FNDC3B: variants seen among roughly 807,000 people sequenced by gnomAD.
The protein encoded by FNDC3B is fibronectin type III domain containing 3B.
A neutral mutation model predicts 151.5 loss-of-function variants in FNDC3B; 12 were observed. The observed-to-expected ratio is 0.08, with a 90% confidence interval of 0.05 to 0.13. The LOEUF is 0.13. Among genes scored for constraint, FNDC3B ranks in the 10% least tolerant of loss-of-function variants. The pLI is 1.00. For missense variants in FNDC3B, 1,214 were observed against 1,505.3 expected (o/e 0.81, Z 3.20); for synonymous variants, 528 against 549.0 (o/e 0.96, Z 0.54).
At chr3:172,369,666 T>C (rs1734789025) in intron 23 of FNDC3B, among the ~76,000 whole-genome samples, 1 of 152,100 alleles carries the variant, frequency 6.6e-6, no homozygotes, top group East Asian at 1.9e-4. Context: ...ACCTCTTTTC[T>C]CAATAGCTGT....
chr3:172,315,364 G>A (rs548447355), intron 11 of FNDC3B, among the ~76,000 whole-genome samples: 54 of 152,178 alleles, frequency 3.5e-4, no homozygotes, highest in Non-Finnish European at 5.0e-4. Context: ...GCGACAGAGC[G>A]AGACTTGTCT....
At chr3:172,338,249 G>A (rs1194785837) in intron 16 of FNDC3B, 1 of 148,336 alleles carries the variant, frequency 6.7e-6, no homozygotes, top group Non-Finnish European at 1.5e-5. Context: ...AGCAGGCGGA[G>A]GTTGCAGTGA....
intron 1 of FNDC3B, among the ~76,000 whole-genome samples, chr3:172,097,880 T>C (rs191113712): frequency 8.5e-5 from 13 of 152,314 alleles, no homozygotes; most frequent in African/African-American, 3.1e-4. Context: ...AGTAAATCCT[T>C]GAGATGTATG....
chr3:172,116,857 C>T (rs866249561), intron 2 of FNDC3B, among the ~76,000 whole-genome samples: 16 of 152,336 alleles, frequency 1.1e-4, no homozygotes, highest in Admixed American at 2.6e-4. Context: ...TGAGCCACCA[C>T]GCCCGGTTCA....
intron 24 of FNDC3B, 69 bp from the exon 25 acceptor site, chr3:172,380,897 G>T: frequency 6.4e-7 from 1 of 1,558,072 alleles, no homozygotes; most frequent in East Asian, 2.3e-5. Flanking sequence ...CTCACTAATA[G>T]TGCTAAAGTG....
At chr3:172,187,089 G>C (rs1041209817) in intron 3 of FNDC3B, 1 of 229,298 alleles carries the variant, frequency 4.4e-6, no homozygotes, top group Non-Finnish European at 8.4e-6. Context: ...CCTTGCCCTT[G>C]AGAAGTCCTT....
chr3:172,280,055 C>T (rs1199421064), intron 6 of FNDC3B, among the ~76,000 whole-genome samples: 7 of 152,262 alleles, frequency 4.6e-5, no homozygotes, highest in Non-Finnish European at 2.9e-5. Flanking sequence ...GTCGGGACTA[C>T]AGGCATGTGC....
intron 1 of FNDC3B, among the ~76,000 whole-genome samples, chr3:172,086,133 G>A (rs114321165): frequency 3.4e-3 from 517 of 152,286 alleles, no homozygotes; most frequent in Non-Finnish European, 5.9e-3. Flanking sequence ...GACTGAGGTA[G>A]GAGGATCACT....
At position 172,329,054 on chromosome 3, in the gene FNDC3B, G is replaced by A. The variant is rs1732501035; in HGVS notation, c.1357G>A (p.Ala453Thr). ...PAMGYTFRLA[A>T]RNDIGTSGYS... Reference sequence around the variant, plus strand: ...AATGGGGTACACATTCAGGCTGGCCGCTCGAAACGACATTGGTACCAGGTA... The same window carrying A: ...AATGGGGTACACATTCAGGCTGGCCACTCGAAACGACATTGGTACCAGGTA... The change falls in exon 12 of 26, where the codon GCT becomes ACT. Residue 453 changes from alanine (A) to threonine (T), a missense_variant. Coordinates refer to ENST00000415807, the MANE Select transcript of FNDC3B (RefSeq NM_022763.4). 4 of 1,612,834 alleles carry A rather than the reference G, an allele frequency of 2.5e-6. No individual in the cohort carries two copies. Among genetic ancestry groups the A allele is most frequent in the Non-Finnish European group, 3.4e-6 (4 of 1,179,282 alleles).
intron 22 of FNDC3B, among the ~76,000 whole-genome samples, chr3:172,358,090 G>C (rs754770878): frequency 1.3e-5 from 2 of 152,188 alleles, no homozygotes; most frequent in African/African-American, 4.8e-5. Flanking sequence ...CAGACACACA[G>C]GCCTTTGCAC....
intron 22 of FNDC3B, among the ~76,000 whole-genome samples, chr3:172,355,006 G>A (rs558172413): frequency 3.3e-5 from 5 of 151,596 alleles, no homozygotes; most frequent in South Asian, 4.2e-4. Context: ...TCAATGGATC[G>A]GTCATTTCTC....
chr3:172,324,931 G>A (rs926605870), intron 11 of FNDC3B, among the ~76,000 whole-genome samples: 1 of 152,344 alleles, frequency 6.6e-6, no homozygotes, highest in South Asian at 2.1e-4. Flanking sequence ...ACCCACCAAC[G>A]CGCAGAGAAG....
chr3:172,379,887 C>G (rs1406632430), intron 24 of FNDC3B, among the ~76,000 whole-genome samples: 1 of 152,156 alleles, frequency 6.6e-6, no homozygotes, highest in African/African-American at 2.4e-5. Context: ...CCCAGCCTTT[C>G]TACTTCAGAA....
chr3:172,353,007 C>G lies in FNDC3B; in HGVS notation c.2719C>G (p.Leu907Val), dbSNP rs1394957594. Reference protein sequence around the residue: ...GSEILAYTIDLGDTSITVGNT... With the variant: ...GSEILAYTIDVGDTSITVGNT... The stretch of plus-strand genomic sequence containing the variant: ...TGAAATCCTTGCTTACACCATTGAT[C>G]TAGGAGACACTAGCATTACCGTGGG... The change falls in exon 22 of 26, where the codon CTA (leucine) becomes GTA (valine). Residue 907 changes from leucine (L) to valine (V), a missense_variant. Leu to Val is a conservative substitution (Grantham distance 32). Transcript: ENST00000415807. 4 of 1,614,030 alleles carry G rather than the reference C, an allele frequency of 2.5e-6. No homozygotes were observed. In the South Asian group the frequency reaches 3.3e-5, roughly 13 times the overall value.
intron 3 of FNDC3B, among the ~76,000 whole-genome samples, chr3:172,196,685 T>C (rs148619614): frequency 3.0e-4 from 46 of 152,098 alleles, no homozygotes; most frequent in African/African-American, 9.9e-4. Flanking sequence ...GTATCCTGAA[T>C]AGAAGAGGGA....
rs1721697201 is a variant in FNDC3B at position 172,142,825 on chromosome 3, T to C, written c.187+9279T>C. Reference sequence around the variant, plus strand: ...GTGGCTTATTAACAACGGAAATCTATTTCCTACAGTTCTGGAGGCTGGGAA... The same window carrying C: ...GTGGCTTATTAACAACGGAAATCTACTTCCTACAGTTCTGGAGGCTGGGAA... On this transcript the variant is annotated intron_variant, in intron 3 of 25. Transcript: ENST00000415807. 2.0e-5 allele frequency among the ~76,000 whole-genome samples: 3 copies of C among 152,314 alleles called. No individual in the cohort carries two copies. The South Asian group carries it at 6.2e-4, about 32-fold the overall frequency.
intron 10 of FNDC3B, 84 bp downstream of exon 10, chr3:172,307,585 T>A (rs1731261577): frequency 1.4e-6 from 2 of 1,423,506 alleles, no homozygotes; most frequent in Middle Eastern, 2.2e-4. Context: ...CCCAGCTACC[T>A]GGGAGGCTGA....
intron 6 of FNDC3B, among the ~76,000 whole-genome samples, chr3:172,262,889 C>T (rs1379823430): frequency 1.3e-5 from 1 of 79,432 alleles, no homozygotes; most frequent in Non-Finnish European, 2.1e-5. Context: ...AGAGTGAGAC[C>T]GACTCAAAAA....
chr3:172,349,017 A>G (rs1051940817), intron 21 of FNDC3B, among the ~76,000 whole-genome samples: 16 of 152,284 alleles, frequency 1.1e-4, no homozygotes, highest in East Asian at 9.7e-4. Flanking sequence ...TTGGCCGGGC[A>G]TGGGGGCTCA....
Sources: allele counts gnomAD v4.1 joint callset (sites outside exome capture counted in the v4.1 genomes callset), GRCh38; gene constraint gnomAD v4.1.1; transcripts MANE v1.5; gene names NCBI Gene and HGNC (gene_info 2026-07-23, HGNC 2026-07-21).